GABRA5: variants seen among roughly 807,000 people sequenced by gnomAD.
GABRA5 encodes gamma-aminobutyric acid receptor subunit alpha-5.
A neutral mutation model predicts 47.3 loss-of-function variants in GABRA5; 18 were observed. That is an observed-to-expected ratio of 0.38 (90% CI 0.26 to 0.56). The LOEUF is 0.56. Among genes scored for constraint, GABRA5 ranks in the 20% least tolerant of loss-of-function variants. The probability of loss-of-function intolerance (pLI) is 0.71; values close to 1 mark genes in which losing one functional copy is unlikely to be tolerated. For synonymous variants in GABRA5, 237 were observed against 229.3 expected, an observed-to-expected ratio of 1.03 and a Z score of -0.30; for missense variants, 365 against 599.3, an observed-to-expected ratio of 0.61 and a Z score of 4.08.
rs1363897716 is a variant in GABRA5 at position 26,900,804 on chromosome 15, G to A, written c.498-13999G>A. 3.9e-5 allele frequency among the ~76,000 whole-genome samples: 6 copies of A among 152,008 alleles called. 1 individual carries two copies. The South Asian group carries it at 6.2e-4, about 16-fold the overall frequency. On this transcript the variant is annotated intron_variant, in intron 6 of 10. Transcript: ENST00000335625. Reference sequence around the variant, plus strand: ...TATAATGACATGTACTCACCATTACGATATCACAGGAGTATTTTTGTTGCT... The same window carrying A: ...TATAATGACATGTACTCACCATTACAATATCACAGGAGTATTTTTGTTGCT...
At chr15:26,926,731 T>C (rs1370182039) in intron 7 of GABRA5, among the ~76,000 whole-genome samples, 3 of 152,152 alleles carry the variant, frequency 2.0e-5, no homozygotes, top group Non-Finnish European at 4.4e-5. Flanking sequence ...TTTGATGTGA[T>C]CAAAAATAAA....
chr15:26,940,969 C>T (rs986463139), intron 9 of GABRA5, among the ~76,000 whole-genome samples: 2 of 152,228 alleles, frequency 1.3e-5, no homozygotes, highest in Non-Finnish European at 2.9e-5. Flanking sequence ...ATTCACACAT[C>T]AGCATTTGCT....
chr15:26,893,829 C>T (rs555377031), intron 6 of GABRA5, among the ~76,000 whole-genome samples: 2 of 152,112 alleles, frequency 1.3e-5, no homozygotes, highest in South Asian at 2.1e-4. Context: ...CCAGGGGACC[C>T]GCGTGGGCAG....
intron 6 of GABRA5, among the ~76,000 whole-genome samples, chr15:26,894,658 A>C (rs1893134675): frequency 6.6e-6 from 1 of 151,140 alleles, no homozygotes. Flanking sequence ...GATTTCCTGT[A>C]CTCTCTGGTC....
intron 6 of GABRA5, among the ~76,000 whole-genome samples, chr15:26,911,079 A>G (rs35462260): frequency 0.7 from 106,318 of 152,030 alleles, 38,240 homozygotes; most frequent in Middle Eastern, 0.82. Context: ...CTGAGGCTGA[A>G]ACAGTTCTTA....
intron 3 of GABRA5, among the ~76,000 whole-genome samples, chr15:26,875,697 G>C (rs1892580374): frequency 6.6e-6 from 1 of 152,106 alleles, no homozygotes; most frequent in Admixed American, 6.5e-5. Flanking sequence ...GTGGGAGACG[G>C]GGAGGGAGCG....
At chr15:26,901,706 G>A (rs781661992) in intron 6 of GABRA5, among the ~76,000 whole-genome samples, 1 of 151,994 alleles carries the variant, frequency 6.6e-6, no homozygotes, top group East Asian at 1.9e-4. Context: ...TGTGCTTTTG[G>A]TATCTCATCT....
intron 7 of GABRA5, among the ~76,000 whole-genome samples, chr15:26,916,208 CA>C (rs1893713765): frequency 6.6e-6 from 1 of 152,062 alleles, no homozygotes; most frequent in Non-Finnish European, 1.5e-5. Flanking sequence ...CTTACTGTGA[CA>C]ATTAGAATGT....
intron 6 of GABRA5, among the ~76,000 whole-genome samples, chr15:26,884,531 A>G (rs1892826546): frequency 6.6e-6 from 1 of 152,146 alleles, no homozygotes; most frequent in Non-Finnish European, 1.5e-5. Context: ...TTCCTTTTGC[A>G]TAGGTACTGG....
At chr15:26,921,869 T>A (rs913764465) in intron 7 of GABRA5, among the ~76,000 whole-genome samples, 1 of 152,176 alleles carries the variant, frequency 6.6e-6, no homozygotes, top group Non-Finnish European at 1.5e-5. Context: ...TTTAGATATA[T>A]GTTATTTAGT....
intron 6 of GABRA5, among the ~76,000 whole-genome samples, chr15:26,900,382 A>G (rs896099106): frequency 3.9e-5 from 6 of 152,110 alleles, no homozygotes; most frequent in Non-Finnish European, 7.4e-5. Flanking sequence ...CTGATTTTAT[A>G]TTTACCTACA....
intron 6 of GABRA5, among the ~76,000 whole-genome samples, chr15:26,892,825 G>C (rs773142303): frequency 5.9e-5 from 9 of 152,092 alleles, no homozygotes; most frequent in Non-Finnish European, 2.9e-5. Context: ...GCGGCTTCCG[G>C]AGGCTTCTCT....
intron 6 of GABRA5, among the ~76,000 whole-genome samples, chr15:26,904,926 C>A (rs1007895012): frequency 3.3e-5 from 5 of 152,236 alleles, no homozygotes; most frequent in Admixed American, 1.3e-4. Context: ...GACTTCCTTG[C>A]TTCCTATTAG....
At chr15:26,918,586 C>G (rs538610104) in intron 7 of GABRA5, among the ~76,000 whole-genome samples, 91 of 152,190 alleles carry the variant, frequency 6.0e-4, no homozygotes, top group African/African-American at 1.8e-3. Flanking sequence ...GCTGTTTCTC[C>G]CTTCAGTTCT....
At chr15:26,896,671 G>T (rs1281056006) in intron 6 of GABRA5, among the ~76,000 whole-genome samples, 1 of 152,062 alleles carries the variant, frequency 6.6e-6, no homozygotes, top group Admixed American at 6.5e-5. Flanking sequence ...ACAATGAGAA[G>T]TGCTAGTGTG....
Position 26,948,472 on chromosome 15 carries a change from GAC to G in GABRA5, c.*242_*243del, listed in dbSNP as rs1894570023. The G allele has an allele frequency of 1.9e-6, 1 of 529,330 alleles. No individual in the cohort carries two copies. Among genetic ancestry groups the G allele is most frequent in the Non-Finnish European group, 3.3e-6 (1 of 299,518 alleles). The allele number at this position is 529,330 out of a possible 1,614,324, so 32.8% of individuals were successfully genotyped here. A position where few individuals can be genotyped will look rare whatever the true frequency, so the allele number is the denominator to read the frequency against. ...TCTGGAAAAACAGGATACGATGACTGACACTCAGATGCCCAGTATCATACGTT... is the reference window on the plus strand; with the variant it reads ...TCTGGAAAAACAGGATACGATGACTGACTCAGATGCCCAGTATCATACGTT... On this transcript the variant is annotated 3_prime_UTR_variant, in exon 11 of 11. Transcript: ENST00000335625.
intron 6 of GABRA5, among the ~76,000 whole-genome samples, chr15:26,886,118 C>T (rs1385807350): frequency 2.6e-5 from 4 of 152,064 alleles, no homozygotes; most frequent in African/African-American, 7.2e-5. Flanking sequence ...CTCCCGGGTT[C>T]GAGCGATTCT....
At position 26,948,467 on chromosome 15, in the gene GABRA5, T is replaced by C. The variant is rs1420402824; in HGVS notation, c.*234T>C. On this transcript the variant is annotated 3_prime_UTR_variant, in exon 11 of 11. Transcript: ENST00000335625. ...AACTTTCTGGAAAAACAGGATACGATGACTGACACTCAGATGCCCAGTATC... is the reference window on the plus strand; with the variant it reads ...AACTTTCTGGAAAAACAGGATACGACGACTGACACTCAGATGCCCAGTATC... 1.9e-6 allele frequency: 1 copy of C among 538,060 alleles called. No homozygotes were observed. The highest frequency in any genetic ancestry group is 1.9e-5 in the African/African-American group (1 of 53,028). 33.3% of individuals were successfully genotyped at this position (538,060 alleles called of 1,614,324 possible). A position where few individuals can be genotyped will look rare whatever the true frequency, so the allele number is the denominator to read the frequency against.
At chr15:26,887,972 A>G (rs1333798752) in intron 6 of GABRA5, among the ~76,000 whole-genome samples, 1 of 152,188 alleles carries the variant, frequency 6.6e-6, no homozygotes, top group Non-Finnish European at 1.5e-5. Context: ...AGTTAACTGT[A>G]TTGAATAAGA....
Sources: gnomAD v4.1 joint callset for allele counts (sites outside exome capture counted in the v4.1 genomes callset) on GRCh38, gnomAD v4.1.1 for gene constraint, MANE v1.5 for transcripts, NCBI Gene and HGNC (gene_info 2026-07-23, HGNC 2026-07-21) for gene names.